Variants in DHX30 observed in about 807,000 individuals in gnomAD.
DHX30 encodes DExH-box helicase 30.
In DHX30, 4 loss-of-function variants were observed where a neutral mutation model predicts 116.9. That is an observed-to-expected ratio of 0.03 (90% CI 0.02 to 0.08). The LOEUF is 0.08. Ranked by LOEUF, DHX30 falls within the 10% of genes least tolerant of loss-of-function variation. The pLI is 1.00. For synonymous variants in DHX30, 697 were observed against 651.7 expected (o/e 1.07, Z -1.06); for missense variants, 871 against 1,595.1 (o/e 0.55, Z 7.73).
chr3:47,846,277 A>T lies in DHX30; in HGVS notation c.1205A>T (p.Tyr402Phe). 6.2e-7 allele frequency: 1 copy of T among 1,614,228 alleles called. No homozygotes were observed. Among genetic ancestry groups the T allele is most frequent in the Non-Finnish European group, 8.5e-7 (1 of 1,180,036 alleles). Residue 402 changes from tyrosine to phenylalanine, a missense_variant, in exon 11 of 22, where the codon TAT (tyrosine) becomes TTT (phenylalanine). Coordinates refer to ENST00000445061, the MANE Select transcript of DHX30 (RefSeq NM_138615.3). ...AGTGACCCTATCACAGGCAAGCCCT[A>T]TGTGCCCCTGTTGGAAGCAGAGGAG... is the stretch of plus-strand genomic sequence containing the variant. Reference protein sequence around the residue: ...PLSDPITGKPYVPLLEAEEVR... With the variant: ...PLSDPITGKPFVPLLEAEEVR...
Position 47,841,139 on chromosome 3 carries a change from T to C in DHX30, c.629T>C (p.Met210Thr), listed in dbSNP as rs1355969663. Residue 210 changes from methionine to threonine, a missense_variant, in exon 7 of 22, where the codon ATG becomes ACG. Physicochemically the swap from Met to Thr is moderately conservative, Grantham distance 81. This residue lies in a region of DHX30 where 109 missense variants were observed against 118.8 expected (regional missense o/e 0.92). Coordinates refer to ENST00000445061, the MANE Select transcript of DHX30 (RefSeq NM_138615.3). ...GTIDVTDFLS[M>T]TQQDSHAPLR... is the part of the protein sequence containing the mutation. ...ATAGATGTTACCGACTTCTTGTCCA[T>C]GACCCAGCAGGATTCCCACGCTCCA... The C allele has an allele frequency of 1.1e-5, 17 of 1,614,166 alleles. No individual in the cohort carries two copies. The highest frequency in any genetic ancestry group is 1.4e-5 in the Non-Finnish European group (17 of 1,180,028).
rs1309241437 is a variant in DHX30 at position 47,846,828 on chromosome 3, C to T, written c.1756C>T (p.Arg586Trp). 1 of 1,612,338 alleles carries T rather than the reference C, an allele frequency of 6.2e-7. No individual in the cohort carries two copies. The highest frequency in any genetic ancestry group is 8.5e-7 in the Non-Finnish European group (1 of 1,179,648). Residue 586 changes from arginine to tryptophan, a missense_variant, in exon 11 of 22, where the codon CGG (arginine) becomes TGG (tryptophan). Arg to Trp is a moderately radical substitution (Grantham distance 101, BLOSUM62 -3). Coordinates refer to ENST00000445061, the MANE Select transcript of DHX30 (RefSeq NM_138615.3). The stretch of plus-strand genomic sequence containing the variant: ...CCTGCAGCGGCTCAACCCGGCCCTG[C>T]GGCTGGTGCTCATGAGTGCCACAGG... ...KGLQRLNPAL[R>W]LVLMSATGDN...
chr3:47,827,227 G>A, intron 4 of DHX30, 120 bp from the exon 5 acceptor site: 2 of 946,540 alleles, frequency 2.1e-6, no homozygotes, highest in Non-Finnish European at 3.0e-6. Flanking sequence ...ATGCTCCTGG[G>A]TGGTTTGGGG....
At chr3:47,831,838 G>GA (rs199650346) in intron 6 of DHX30, among the ~76,000 whole-genome samples, 55 of 146,888 alleles carry the variant, frequency 3.7e-4, no homozygotes, top group African/African-American at 1.1e-3. Context: ...ATTTAAAACA[G>GA]AAAAAAAAGG....
At position 47,847,649 on chromosome 3, in the gene DHX30, C is replaced by A; in HGVS notation, c.2110+113C>A. 6.9e-7 allele frequency: 1 copy of A among 1,458,738 alleles called. No homozygotes were observed. Among genetic ancestry groups the A allele is most frequent in the Non-Finnish European group, 9.2e-7 (1 of 1,087,456 alleles). 90.4% of individuals were successfully genotyped at this position (1,458,738 alleles called of 1,614,324 possible). On this transcript the variant is annotated intron_variant, in intron 13 of 21. Transcript: ENST00000445061. The surrounding 1 kb of genome is among the most constrained non-coding windows in gnomAD (Gnocchi z 5.5). Reference sequence around the variant, plus strand: ...CCCGGTTTCTGACCAAGCTGTGGCACTTTTCACTGGGCATAGTGTTTATCT... The same window carrying A: ...CCCGGTTTCTGACCAAGCTGTGGCAATTTTCACTGGGCATAGTGTTTATCT...
Position 47,847,360 on chromosome 3 carries a change from C to T in DHX30, c.2005+12C>T. The T allele has an allele frequency of 6.2e-7, 1 of 1,614,244 alleles. No homozygotes were observed. Among genetic ancestry groups the T allele is most frequent in the Non-Finnish European group, 8.5e-7 (1 of 1,180,044 alleles). ...TCGCGGGGAACCAGGTGGGTGCCTC[C>T]CCATCTGTCCCATGCTAGCCCTGGC... On this transcript the variant is annotated intron_variant, in intron 12 of 21. Coordinates refer to ENST00000445061, the MANE Select transcript of DHX30 (RefSeq NM_138615.3). The surrounding 1 kb of genome is among the most constrained non-coding windows in gnomAD (Gnocchi z 5.5).
Position 47,847,966 on chromosome 3 carries a change from A to G in DHX30, c.2286+10A>G, listed in dbSNP as rs1290615578. 6.2e-7 allele frequency: 1 copy of G among 1,611,368 alleles called. No homozygotes were observed. The highest frequency in any genetic ancestry group is 1.3e-5 in the African/African-American group (1 of 74,858). On this transcript the variant is annotated intron_variant, in intron 14 of 21. Coordinates refer to ENST00000445061, the MANE Select transcript of DHX30 (RefSeq NM_138615.3). This position sits in a 1 kb window ranked among gnomAD's most constrained non-coding sequence, Gnocchi z 5.5. ...TGACCTGAAGACCAAGGTGGCACCT[A>G]CCTCCTGGGCCCGGCCAACCACTGG...
chr3:47,849,216 A>G lies in DHX30; in HGVS notation c.2954A>G (p.Asn985Ser). 1.2e-6 allele frequency: 2 copies of G among 1,614,078 alleles called. No homozygotes were observed. Among genetic ancestry groups the G allele is most frequent in the Non-Finnish European group, 1.7e-6 (2 of 1,179,980 alleles). Residue 985 changes from asparagine to serine, a missense_variant, in exon 19 of 22, where the codon AAC (asparagine) becomes AGC (serine). By Grantham distance (46) the Asn-to-Ser change is conservative (BLOSUM62 1). This residue lies in a region of DHX30 where 238 missense variants were observed against 481.0 expected (regional missense o/e 0.49). Transcript: ENST00000445061. The part of the protein sequence containing the change: ...IHGLIKQFSE[N>S]IYEAFLVGKP... ...GGACTCATCAAGCAGTTCTCAGAGA[A>G]CATTTATGAGGCCTTCCTGGTGGGG...
intron 2 of DHX30, among the ~76,000 whole-genome samples, chr3:47,808,065 C>A (rs2035613956): frequency 6.6e-6 from 1 of 151,942 alleles, no homozygotes; most frequent in South Asian, 2.1e-4. Context: ...CATGCACCAC[C>A]ACGTCCGGCT....
Position 47,805,421 on chromosome 3 carries a change from G to T in DHX30, c.-28+1G>T. ...CTGAGACTGTCATTGCTTTTATAAG[G>T]TAAGTTGATTTAGCCGTGCACAGAG... On this transcript the variant is annotated splice_donor_variant, in intron 2 of 21. Coordinates refer to ENST00000445061, the MANE Select transcript of DHX30 (RefSeq NM_138615.3). LOFTEE classifies it low-confidence loss of function (5UTR_SPLICE). 1 of 399,096 alleles carries T rather than the reference G, an allele frequency of 2.5e-6. No homozygotes were observed. Among genetic ancestry groups the T allele is most frequent in the Non-Finnish European group, 4.4e-6 (1 of 226,076 alleles). The allele number at this position is 399,096 out of a possible 1,614,324, so 24.7% of individuals were successfully genotyped here.
At chr3:47,807,131 G>A (rs548713818) in intron 2 of DHX30, among the ~76,000 whole-genome samples, 1 of 152,032 alleles carries the variant, frequency 6.6e-6, no homozygotes, top group South Asian at 2.1e-4. Flanking sequence ...ATTTGAATCC[G>A]GGAGGTGGAG....
rs1288250230 is a variant in DHX30, at chr3:47,846,998, T to C, written c.1926T>C (p.His642=). Residue 642 remains histidine (H), a synonymous_variant, in exon 11 of 22, where the codon CAT becomes CAC. Coordinates refer to ENST00000445061, the MANE Select transcript of DHX30 (RefSeq NM_138615.3). Reference sequence around the variant, plus strand: ...AGTACCTGCACCGGCACCGGCACCATGAGGTGAGGGACACCCCCATCCCAC... The same window carrying C: ...AGTACCTGCACCGGCACCGGCACCACGAGGTGAGGGACACCCCCATCCCAC... ...KHQYLHRHRH[H]ESEDECALDL... is the part of the protein sequence containing the mutation. 6.2e-7 allele frequency: 1 copy of C among 1,609,524 alleles called. No individual in the cohort carries two copies. Among genetic ancestry groups the C allele is most frequent in the Non-Finnish European group, 8.5e-7 (1 of 1,177,844 alleles).
chr3:47,817,930 CTCCTCACGGATGCTCTGAG>C, intron 3 of DHX30, 73 bp from the exon 4 acceptor site: 1 of 779,090 alleles, frequency 1.3e-6, no homozygotes, highest in Non-Finnish European at 2.4e-6. Flanking sequence ...TTGCCCAGAG[CTCCTCACGGATGCTCTGAG>C]TGAGTCAGTT....
chr3:47,816,013 A>G, intron 3 of DHX30: 1 of 984,544 alleles, frequency 1.0e-6, no homozygotes, highest in South Asian at 4.7e-5. Context: ...GGAGAGGTTG[A>G]GCTGGTCATT....
At chr3:47,830,400 A>T (rs926707872) in intron 6 of DHX30, among the ~76,000 whole-genome samples, 11 of 151,638 alleles carry the variant, frequency 7.3e-5, no homozygotes, top group African/African-American at 2.7e-4. Context: ...GTGAGTCGAG[A>T]TCACACCATT....
At chr3:47,810,734 G>T in intron 3 of DHX30, 23 bp downstream of exon 3, 1 of 1,613,100 alleles carries the variant, frequency 6.2e-7, no homozygotes, top group East Asian at 2.2e-5. Context: ...CTGTGCTTGT[G>T]ACCTCATGCC....
rs750074608 is a variant in DHX30 at position 47,849,598 on chromosome 3, A to G, written c.3192-32A>G. 28 of 1,613,992 alleles carry G rather than the reference A, an allele frequency of 1.7e-5. 1 individual carries two copies. The Middle Eastern group carries it at 3.5e-3, about 199-fold the overall frequency. On this transcript the variant is annotated intron_variant, in intron 20 of 21. Transcript: ENST00000445061. ...GGATGGGGCAGCTGGGATGGTCCAA[A>G]AGGGTGGCCTCACCAGCCCTGTGTT... is the stretch of plus-strand genomic sequence containing the variant.
chr3:47,840,758 G>A, intron 6 of DHX30, 119 bp from the exon 7 acceptor site: 1 of 1,286,620 alleles, frequency 7.8e-7, no homozygotes, highest in South Asian at 1.3e-5. Context: ...GCTGAAGTGG[G>A]TAAACAGATG....
At chr3:47,819,067 C>T (rs1300161887) in intron 4 of DHX30, among the ~76,000 whole-genome samples, 1 of 152,210 alleles carries the variant, frequency 6.6e-6, no homozygotes, top group Non-Finnish European at 1.5e-5. Context: ...AGTTTTCACA[C>T]TCCTGCTGCT....
Sources: gnomAD v4.1 joint callset for allele counts (sites outside exome capture counted in the v4.1 genomes callset) on GRCh38, gnomAD v4.1.1 for gene constraint, gnomAD v4.1.1 regional missense constraint, Gnocchi (gnomAD v3.1) non-coding constraint, MANE v1.5 for transcripts, NCBI Gene and HGNC (gene_info 2026-07-23, HGNC 2026-07-21) for gene names.